Variants in PCP2 observed in about 807,000 individuals in gnomAD.
The protein encoded by PCP2 is Purkinje cell protein 2, also known as Purkinje cell protein 2 homolog.
A neutral mutation model predicts 18.3 loss-of-function variants in PCP2; 21 were observed. That is an observed-to-expected ratio of 1.14 (90% CI 0.81 to 1.65). The LOEUF (loss-of-function observed/expected upper bound fraction) is 1.65. Ranked by LOEUF, PCP2 falls within the 40% of genes most tolerant of loss-of-function variation. The probability of loss-of-function intolerance (pLI) is 0.00; values close to 1 mark genes in which losing one functional copy is unlikely to be tolerated. For synonymous variants in PCP2, 85 were observed against 77.6 expected, an observed-to-expected ratio of 1.10 and a Z score of -0.50; for missense variants, 202 against 201.8, an observed-to-expected ratio of 1.00 and a Z score of 0.00.
Position 7,632,501 on chromosome 19 carries a change from G to A in PCP2, c.183C>T (p.Pro61=), listed in dbSNP as rs367545215. 20 of 1,613,296 alleles carry A rather than the reference G, an allele frequency of 1.2e-5. No homozygotes were observed. The East Asian group carries it at 1.3e-4, about 11-fold the overall frequency. ...GCATGTCCATGAGGCTGTCCATCTC[G>A]GGGGTGGGGTCGCTCTCTGCGTGGA... The part of the protein sequence containing the change: ...QTTKSQSDPT[P]EMDSLMDMLA... Residue 61 remains proline (P), a synonymous_variant, in exon 3 of 4, where the codon CCC becomes CCT. Coordinates refer to ENST00000311069, the MANE Select transcript of PCP2 (RefSeq NM_174895.3). This position sits in a 1 kb window ranked among gnomAD's most constrained non-coding sequence, Gnocchi z 5.2.
At chr19:7,633,361 T>C (rs2031412534) in intron 1 of PCP2, 46 bp downstream of exon 1, 2 of 1,534,104 alleles carry the variant, frequency 1.3e-6, no homozygotes, top group Admixed American at 2.0e-5. Context: ...AATCATGGGC[T>C]CTGAGACCTT....
At chr19:7,634,160 C>A (rs2031444158), upstream of PCP2, among the ~76,000 whole-genome samples, 1 of 152,206 alleles carries the variant, frequency 6.6e-6, no homozygotes, top group South Asian at 2.1e-4. Context: ...ATCACCCTAG[C>A]CCCAGGTGGG....
chr19:7,632,511 T>A lies in PCP2; in HGVS notation c.173A>T (p.Asp58Val). The stretch of plus-strand genomic sequence containing the variant: ...GAGGCTGTCCATCTCGGGGGTGGGG[T>A]CGCTCTCTGCGTGGACGTTCACAGA... The part of the protein sequence containing the change: ...GPGQTTKSQS[D>V]PTPEMDSLMD... Residue 58 changes from aspartate (D) to valine (V), a missense_variant, in exon 3 of 4, where the codon GAC becomes GTC. By Grantham distance (152) the Asp-to-Val change is radical. Coordinates refer to ENST00000311069, the MANE Select transcript of PCP2 (RefSeq NM_174895.3). The surrounding 1 kb of genome is among the most constrained non-coding windows in gnomAD (Gnocchi z 5.2). 6.2e-7 allele frequency: 1 copy of A among 1,611,874 alleles called. No homozygotes were observed. The highest frequency in any genetic ancestry group is 8.5e-7 in the Non-Finnish European group (1 of 1,179,566).
Position 7,632,823 on chromosome 19 carries a change from G to A in PCP2, c.59C>T (p.Ser20Phe). ...EGSGPCAEAGSPDQEGFFNLL... is the reference protein window; with the variant it reads ...EGSGPCAEAGFPDQEGFFNLL... ...ATTGAAGAAGCCCTCCTGGTCTGGG[G>A]AGCCCGCCTGGGGACAGACTCGCTC... The change falls in exon 2 of 4, where the codon TCC becomes TTC. Residue 20 changes from serine (S) to phenylalanine (F), a missense_variant. Physicochemically the swap from Ser to Phe is radical, Grantham distance 155. Coordinates refer to ENST00000311069, the MANE Select transcript of PCP2 (RefSeq NM_174895.3). This position sits in a 1 kb window ranked among gnomAD's most constrained non-coding sequence, Gnocchi z 5.2. The A allele has an allele frequency of 6.4e-7, 1 of 1,550,912 alleles. No individual in the cohort carries two copies. Among genetic ancestry groups the A allele is most frequent in the African/African-American group, 1.4e-5 (1 of 73,350 alleles).
At chr19:7,635,115 G>C (rs774275211), upstream of PCP2, among the ~76,000 whole-genome samples, 5 of 152,212 alleles carry the variant, frequency 3.3e-5, no homozygotes, top group Non-Finnish European at 7.3e-5. Context: ...GGGGGTTAGT[G>C]GTGGGGTGGC....
At chr19:7,636,624 A>G (rs1184135224), upstream of PCP2, 1 of 149,784 alleles carries the variant, frequency 6.7e-6, no homozygotes, top group Non-Finnish European at 1.5e-5. Context: ...GCAGGACTGA[A>G]TGAAAATTAT....
chr19:7,636,760 C>T, upstream of PCP2: 1 of 206,400 alleles, frequency 4.8e-6, no homozygotes, highest in Non-Finnish European at 9.7e-6. Flanking sequence ...GTCAAGATCC[C>T]AGGCCCAGAC....
In PCP2 at chr19:7,632,974, CT is replaced by C. The variant is rs1374767640; in HGVS notation, c.52-145del. 6.2e-6 allele frequency: 9 copies of C among 1,455,724 alleles called. No homozygotes were observed. The Admixed American group carries it at 2.3e-4, about 37-fold the overall frequency. 90.2% of individuals were successfully genotyped at this position (1,455,724 alleles called of 1,614,324 possible). On this transcript the variant is annotated intron_variant, in intron 1 of 3. Coordinates refer to ENST00000311069, the MANE Select transcript of PCP2 (RefSeq NM_174895.3). The surrounding 1 kb of genome is among the most constrained non-coding windows in gnomAD (Gnocchi z 5.2). Reference sequence around the variant, plus strand: ...TCACCATGGTCCCCGCCGATCCTCTCTGCAGAGCTGTTCTGAATGAGACATG... The same window carrying C: ...TCACCATGGTCCCCGCCGATCCTCTCGCAGAGCTGTTCTGAATGAGACATG...
Position 7,633,638 on chromosome 19 carries a change from C to T in PCP2, c.-181G>A. 1 of 626,966 alleles carries T rather than the reference C, an allele frequency of 1.6e-6. No individual in the cohort carries two copies. The highest frequency in any genetic ancestry group is 2.7e-6 in the Non-Finnish European group (1 of 364,288). 38.8% of individuals were successfully genotyped at this position (626,966 alleles called of 1,614,324 possible). A position where few individuals can be genotyped will look rare whatever the true frequency, so the allele number is the denominator to read the frequency against. ...AAGATCATCCAGATAATTGTTTGCC[C>T]ACAACGATGCTGGATCTGGCATGGT... On this transcript the variant is annotated 5_prime_UTR_variant, in exon 1 of 4. The change creates a premature stop within an existing upstream ORF in the 5' untranslated region. Transcript: ENST00000311069.
At chr19:7,636,066 C>T (rs1463375946), upstream of PCP2, among the ~76,000 whole-genome samples, 1 of 152,182 alleles carries the variant, frequency 6.6e-6, no homozygotes, top group East Asian at 1.9e-4. Flanking sequence ...TCCCCTCCCA[C>T]CCCTACCTTC....
At chr19:7,634,920 A>AC (rs202014590), upstream of PCP2, among the ~76,000 whole-genome samples, 27 of 150,348 alleles carry the variant, frequency 1.8e-4, no homozygotes, top group African/African-American at 5.1e-4. Context: ...CCATTTCCCC[A>AC]CCCCCCCAAC....
upstream of PCP2, among the ~76,000 whole-genome samples, chr19:7,635,754 AAAAGG>A (rs1031311354): frequency 4.1e-4 from 63 of 152,192 alleles, no homozygotes; most frequent in African/African-American, 1.4e-3. Flanking sequence ...AAAGGAAGGG[AAAAGG>A]AAAGGAAAGG....
intron 1 of PCP2, 198 bp from the exon 2 acceptor site, chr19:7,633,028 C>T: frequency 7.0e-7 from 1 of 1,428,258 alleles, no homozygotes; most frequent in Non-Finnish European, 9.1e-7. Flanking sequence ...CGGCCCCCGC[C>T]CCAGGGGCCC....
rs2031358415 is a variant in PCP2 at position 7,632,482 on chromosome 19, C to A, written c.202G>T (p.Asp68Tyr). The A allele has an allele frequency of 6.2e-7, 1 of 1,613,844 alleles. No homozygotes were observed. Among genetic ancestry groups the A allele is most frequent in the Non-Finnish European group, 8.5e-7 (1 of 1,179,970 alleles). Residue 68 changes from aspartate (D) to tyrosine (Y), a missense_variant, in exon 3 of 4, where the codon GAC becomes TAC. Asp to Tyr is a radical substitution (Grantham distance 160). Transcript: ENST00000311069. This position sits in a 1 kb window ranked among gnomAD's most constrained non-coding sequence, Gnocchi z 5.2. ...CGGCCCTGGGTACTGGCCAGCATGT[C>A]CATGAGGCTGTCCATCTCGGGGGTG... ...DPTPEMDSLM[D>Y]MLASTQGRRM... is the part of the protein sequence containing the mutation.
upstream of PCP2, among the ~76,000 whole-genome samples, chr19:7,634,680 T>G (rs548323613): frequency 6.6e-6 from 1 of 152,262 alleles, no homozygotes; most frequent in Admixed American, 6.5e-5. Flanking sequence ...TTTAAAATTT[T>G]TTTTTAACAA....
At chr19:7,636,623 A>G (rs73921481), upstream of PCP2, 2,231 of 149,960 alleles carry the variant, frequency 0.015, 47 homozygotes, top group African/African-American at 0.053. Context: ...GGCAGGACTG[A>G]ATGAAAATTA....
chr19:7,632,570 A>G lies in PCP2; in HGVS notation c.167-53T>C. On this transcript the variant is annotated intron_variant, in intron 2 of 3. Transcript: ENST00000311069. This position sits in a 1 kb window ranked among gnomAD's most constrained non-coding sequence, Gnocchi z 5.2. ...GACACAGCCGGAGTGGGGGCCCCCA[A>G]CCCTACCCCTTCACCCCCACACAGA... 1.2e-6 allele frequency: 2 copies of G among 1,603,836 alleles called. No individual in the cohort carries two copies. Among genetic ancestry groups the G allele is most frequent in the South Asian group, 1.1e-5 (1 of 90,870 alleles).
upstream of PCP2, among the ~76,000 whole-genome samples, chr19:7,634,633 G>A (rs2031460722): frequency 6.6e-6 from 1 of 152,204 alleles, no homozygotes. Flanking sequence ...GCCTCCCAAA[G>A]TGCTGGGATT....
Position 7,632,759 on chromosome 19 carries a change from C to G in PCP2, c.123G>C (p.Gln41His). The stretch of plus-strand genomic sequence containing the variant: ...CCGGCCCGGCTTGCAGTGAACAGCG[C>G]TGTCCCTCCATCCGGTCGCCCTGCA... The part of the protein sequence containing the change: ...SHVQGDRMEG[Q>H]RCSLQAGPGQ... Residue 41 changes from glutamine (Q) to histidine (H), a missense_variant, in exon 2 of 4, where the codon CAG becomes CAC. Coordinates refer to ENST00000311069, the MANE Select transcript of PCP2 (RefSeq NM_174895.3). This position sits in a 1 kb window ranked among gnomAD's most constrained non-coding sequence, Gnocchi z 5.2. 6.4e-7 allele frequency: 1 copy of G among 1,568,680 alleles called. No homozygotes were observed. Among genetic ancestry groups the G allele is most frequent in the Non-Finnish European group, 8.6e-7 (1 of 1,161,326 alleles).
Sources: gnomAD v4.1 joint callset for allele counts (sites outside exome capture counted in the v4.1 genomes callset) on GRCh38, gnomAD v4.1.1 for gene constraint, Gnocchi (gnomAD v3.1) non-coding constraint, MANE v1.5 for transcripts, NCBI Gene and HGNC (gene_info 2026-07-23, HGNC 2026-07-21) for gene names.